Variants in CPQ observed in about 807,000 individuals in gnomAD.
The protein encoded by CPQ is Ser-Met dipeptidase.
A neutral mutation model predicts 45.7 loss-of-function variants in CPQ; 37 were observed. The ratio of observed to expected loss-of-function variants is 0.81; its 90% CI spans 0.62 to 1.07. The LOEUF (loss-of-function observed/expected upper bound fraction) is 1.07, where lower values mean the gene tolerates loss of function less well. CPQ is among the 50% of genes least tolerant of loss of function. The probability of loss-of-function intolerance (pLI) is 0.00; values close to 1 mark genes in which losing one functional copy is unlikely to be tolerated. For synonymous variants in CPQ, 186 were observed against 205.8 expected, an observed-to-expected ratio of 0.90 and a Z score of 0.82; for missense variants, 537 against 572.9, an observed-to-expected ratio of 0.94 and a Z score of 0.64.
In CPQ at chr8:96,835,446, A is replaced by G. The variant is rs377334988; in HGVS notation, c.641+266A>G. On this transcript the variant is annotated intron_variant, in intron 3 of 7. Coordinates refer to ENST00000220763, the MANE Select transcript of CPQ (RefSeq NM_016134.4). ...ACAGTGATCCCATTACATTCCTTAT[A>G]TAACTAATATATTATGTATTTTCAT... is the stretch of plus-strand genomic sequence containing the variant. Among the ~76,000 whole-genome samples, 10 of 152,326 alleles carry G rather than the reference A, an allele frequency of 6.6e-5. No individual in the cohort carries two copies. In the East Asian group the frequency reaches 1.7e-3, roughly 26 times the overall value.
chr8:96,836,248 C>A (rs1342678675), intron 3 of CPQ, among the ~76,000 whole-genome samples: 1 of 152,072 alleles, frequency 6.6e-6, no homozygotes, highest in Non-Finnish European at 1.5e-5. Flanking sequence ...TTAATTAGCA[C>A]CCTACACCCC....
At chr8:96,803,984 T>C (rs775347711) in intron 2 of CPQ, among the ~76,000 whole-genome samples, 2 of 152,146 alleles carry the variant, frequency 1.3e-5, no homozygotes, top group African/African-American at 4.8e-5. Flanking sequence ...GAGATAGCAC[T>C]GGTGTAATGT....
At chr8:97,021,516 G>A (rs904000550) in intron 5 of CPQ, among the ~76,000 whole-genome samples, 4 of 152,078 alleles carry the variant, frequency 2.6e-5, no homozygotes, top group Non-Finnish European at 4.4e-5. Context: ...AAAAGTTTCC[G>A]GATACAAAAT....
chr8:96,671,511 G>A (rs1306171607), intron 1 of CPQ, among the ~76,000 whole-genome samples: 1 of 152,162 alleles, frequency 6.6e-6, no homozygotes, highest in Admixed American at 6.5e-5. Flanking sequence ...CAACCATTGT[G>A]TTGTCAAATC....
chr8:96,770,033 G>T (rs924690894), intron 1 of CPQ, among the ~76,000 whole-genome samples: 1 of 152,164 alleles, frequency 6.6e-6, no homozygotes, highest in African/African-American at 2.4e-5. Context: ...GTGGAGAAAA[G>T]AATAGTAAAG....
intron 4 of CPQ, among the ~76,000 whole-genome samples, chr8:96,926,713 A>G (rs910866468): frequency 6.7e-6 from 1 of 150,260 alleles, no homozygotes; most frequent in Non-Finnish European, 1.5e-5. Context: ...GTTCTGGGGT[A>G]CATGTGCAGA....
chr8:97,110,518 A>C (rs1811482567), intron 7 of CPQ, among the ~76,000 whole-genome samples: 1 of 152,232 alleles, frequency 6.6e-6, no homozygotes, highest in Non-Finnish European at 1.5e-5. Context: ...ATATATGTTT[A>C]ACTTTCTAAG....
intron 4 of CPQ, among the ~76,000 whole-genome samples, chr8:96,918,928 CTTTAG>C (rs1037349194): frequency 1.3e-5 from 2 of 152,102 alleles, no homozygotes; most frequent in African/African-American, 4.8e-5. Context: ...ACTTACCCTG[CTTTAG>C]TGGTATGTGG....
intron 1 of CPQ, among the ~76,000 whole-genome samples, chr8:96,717,024 A>ATATATAT (rs1809683827): frequency 1.8e-5 from 1 of 56,560 alleles, no homozygotes; most frequent in African/African-American, 9.0e-5. Flanking sequence ...CCATGATATA[A>ATATATAT]ATATATATAT....
At chr8:96,799,296 C>T (rs2130820895) in intron 2 of CPQ, among the ~76,000 whole-genome samples, 1 of 152,336 alleles carries the variant, frequency 6.6e-6, no homozygotes, top group African/African-American at 2.4e-5. Context: ...CTGCATACTT[C>T]AAGCACATCT....
intron 5 of CPQ, among the ~76,000 whole-genome samples, chr8:96,978,488 A>C (rs977495195): frequency 2.0e-5 from 3 of 152,156 alleles, no homozygotes; most frequent in African/African-American, 7.2e-5. Context: ...ATTTAGTTAG[A>C]ATATACAATT....
At chr8:96,702,602 C>T (rs1289096965) in intron 1 of CPQ, among the ~76,000 whole-genome samples, 1 of 152,122 alleles carries the variant, frequency 6.6e-6, no homozygotes, top group Admixed American at 6.6e-5. Context: ...TTAAGCTTCA[C>T]CACAAACTCA....
At chr8:96,752,535 G>A (rs1017947929) in intron 1 of CPQ, among the ~76,000 whole-genome samples, 4 of 152,052 alleles carry the variant, frequency 2.6e-5, no homozygotes, top group African/African-American at 9.7e-5. Flanking sequence ...GGGCTGAGAC[G>A]ATGGGGTTTT....
rs192625551 is a variant in CPQ, at chr8:96,877,665, C to T, written c.642-2133C>T. On this transcript the variant is annotated intron_variant, in intron 3 of 7. Coordinates refer to ENST00000220763, the MANE Select transcript of CPQ (RefSeq NM_016134.4). ...TATGTGCCAAACACTGTCTTAAATC[C>T]TTTATGTATACTATCTCTTTTATTT... 2.9e-4 allele frequency among the ~76,000 whole-genome samples: 44 copies of T among 152,290 alleles called. No homozygotes were observed. The East Asian group carries it at 8.1e-3, about 28-fold the overall frequency.
intron 1 of CPQ, among the ~76,000 whole-genome samples, chr8:96,740,509 A>G: frequency 6.6e-6 from 1 of 151,488 alleles, no homozygotes. Context: ...GTTGAATAGG[A>G]GTGGTGAGAG....
At chr8:96,947,018 G>C (rs1375318016) in intron 4 of CPQ, among the ~76,000 whole-genome samples, 1 of 152,148 alleles carries the variant, frequency 6.6e-6, no homozygotes, top group Admixed American at 6.5e-5. Context: ...TGTAAGTTGA[G>C]AAGAACAGAG....
At chr8:96,880,574 T>TATATATATATATAC (rs1554575281) in intron 4 of CPQ, among the ~76,000 whole-genome samples, 1 of 114,934 alleles carries the variant, frequency 8.7e-6, no homozygotes, top group African/African-American at 3.7e-5. Flanking sequence ...TATATATATA[T>TATATATATATATAC]ATACCATGGA....
intron 7 of CPQ, among the ~76,000 whole-genome samples, chr8:97,120,073 G>A (rs1367699550): frequency 1.3e-5 from 2 of 152,156 alleles, no homozygotes; most frequent in Non-Finnish European, 2.9e-5. Flanking sequence ...GGCTGACTAA[G>A]AACATACACA....
Position 96,717,024 on chromosome 8 carries a change from A to AATAT in CPQ, c.-34-67790_-34-67787dup, listed in dbSNP as rs58338307. On this transcript the variant is annotated intron_variant, in intron 1 of 7. Transcript: ENST00000220763. ...TGGCTGAGCAGTATTCCATGATATAAATATATATATATATATATATATATA... is the reference window on the plus strand; with the variant it reads ...TGGCTGAGCAGTATTCCATGATATAAATATATATATATATATATATATATATATA... Among the ~76,000 whole-genome samples the AATAT allele has an allele frequency of 3.6e-3, 206 of 56,442 alleles. 4 individuals carry two copies. The highest frequency in any genetic ancestry group is 4.3e-3 in the African/African-American group (48 of 11,080). The allele number at this position is 56,442 out of a possible 152,430, so 37.0% of individuals were successfully genotyped here.
Sources: gnomAD v4.1 joint callset for allele counts (sites outside exome capture counted in the v4.1 genomes callset) on GRCh38, gnomAD v4.1.1 for gene constraint, MANE v1.5 for transcripts, NCBI Gene and HGNC (gene_info 2026-07-23, HGNC 2026-07-21) for gene names.